Variants in ZZZ3 observed in about 807,000 individuals in gnomAD.
ZZZ3 encodes ZZ-type zinc finger-containing protein 3.
In ZZZ3, 22 loss-of-function variants were observed where a neutral mutation model predicts 95.2. The ratio of observed to expected loss-of-function variants is 0.23; its 90% CI spans 0.17 to 0.33. The LOEUF (loss-of-function observed/expected upper bound fraction) is 0.33, where lower values mean the gene tolerates loss of function less well. Among genes scored for constraint, ZZZ3 ranks in the 10% least tolerant of loss-of-function variants. The pLI, the probability that ZZZ3 is intolerant of heterozygous loss-of-function variation, is 1.00. For synonymous variants in ZZZ3, 335 were observed against 358.9 expected (o/e 0.93, Z 0.75); for missense variants, 885 against 1,066.5 (o/e 0.83, Z 2.37).
intron 5 of ZZZ3, among the ~76,000 whole-genome samples, chr1:77,627,543 T>C (rs1667442278): frequency 6.6e-6 from 1 of 152,212 alleles, no homozygotes; most frequent in African/African-American, 2.4e-5. Context: ...AAATGTTTGT[T>C]TAATCAACTA....
At chr1:77,582,924 G>T (rs560998425) in intron 6 of ZZZ3, among the ~76,000 whole-genome samples, 2 of 152,038 alleles carry the variant, frequency 1.3e-5, no homozygotes, top group East Asian at 3.9e-4. Context: ...GGCCAACATG[G>T]TGAAACCCAG....
chr1:77,616,594 G>C (rs1476541057), intron 5 of ZZZ3, among the ~76,000 whole-genome samples: 1 of 152,236 alleles, frequency 6.6e-6, no homozygotes, highest in Non-Finnish European at 1.5e-5. Context: ...GCCGGGCGCG[G>C]AGGCTCACGC....
chr1:77,620,705 T>C (rs1161037072), intron 5 of ZZZ3, among the ~76,000 whole-genome samples: 3 of 152,224 alleles, frequency 2.0e-5, no homozygotes, highest in African/African-American at 7.2e-5. Flanking sequence ...GTTTCAGACA[T>C]GTTCCACTGG....
intron 5 of ZZZ3, among the ~76,000 whole-genome samples, chr1:77,618,667 G>A (rs1196098040): frequency 6.6e-6 from 1 of 152,118 alleles, no homozygotes; most frequent in Non-Finnish European, 1.5e-5. Flanking sequence ...TTTGTTGTTT[G>A]AGATACTCTG....
Position 77,565,675 on chromosome 1 carries a change from A to C in ZZZ3, c.2677T>G (p.Tyr893Asp), listed in dbSNP as rs773598232. 3 of 1,614,014 alleles carry C rather than the reference A, an allele frequency of 1.9e-6. No homozygotes were observed. The highest frequency in any genetic ancestry group is 1.7e-6 in the Non-Finnish European group (2 of 1,179,886). The stretch of plus-strand genomic sequence containing the variant: ...GCTGGAAAGTAGTTTGGGTCAAGGT[A>C]ATTGTAACTGGTGCCCTGAGACACA... Reference protein sequence around the residue: ...YCVSQGTSYNYLDPNYFPANR With the variant: ...YCVSQGTSYNDLDPNYFPANR The change falls in exon 15 of 15, where the codon TAC becomes GAC. Residue 893 changes from tyrosine to aspartate, a missense_variant. Tyr to Asp is a radical substitution (Grantham distance 160). Coordinates refer to ENST00000370801, the MANE Select transcript of ZZZ3 (RefSeq NM_015534.6).
At chr1:77,570,694 G>A (rs2100481508) in intron 12 of ZZZ3, among the ~76,000 whole-genome samples, 1 of 150,288 alleles carries the variant, frequency 6.7e-6, no homozygotes, top group South Asian at 2.1e-4. Flanking sequence ...TTGAGAGAGG[G>A]TTTCACTCTG....
intron 5 of ZZZ3, among the ~76,000 whole-genome samples, chr1:77,594,921 CAAAAAAAAAAAAA>C (rs371690201): frequency 3.7e-5 from 3 of 80,704 alleles, no homozygotes; most frequent in Non-Finnish European, 7.7e-5. Flanking sequence ...TTGACAGGCC[CAAAAAAAAAAAAA>C]AAAAAAAAAA....
intron 1 of ZZZ3, among the ~76,000 whole-genome samples, chr1:77,670,330 G>A (rs907292969): frequency 2.0e-5 from 3 of 151,752 alleles, no homozygotes; most frequent in Non-Finnish European, 2.9e-5. Flanking sequence ...CATGATCTCG[G>A]TTCACTGCAA....
intron 1 of ZZZ3, among the ~76,000 whole-genome samples, chr1:77,654,051 G>A (rs754109961): frequency 2.0e-5 from 3 of 151,234 alleles, no homozygotes; most frequent in Non-Finnish European, 4.4e-5. Context: ...AGCCAGGTGT[G>A]GTAGCAGGCG....
chr1:77,620,672 G>GT (rs779750036), intron 5 of ZZZ3, among the ~76,000 whole-genome samples: 18 of 152,178 alleles, frequency 1.2e-4, no homozygotes, highest in Non-Finnish European at 2.2e-4. Context: ...TTCAATGTGA[G>GT]TATGAAAGAA....
intron 1 of ZZZ3, among the ~76,000 whole-genome samples, chr1:77,656,419 A>T (rs1285777852): frequency 6.6e-6 from 1 of 152,188 alleles, no homozygotes; most frequent in African/African-American, 2.4e-5. Flanking sequence ...AAGAATTCTC[A>T]ATGGTTTCTG....
intron 3 of ZZZ3, among the ~76,000 whole-genome samples, chr1:77,640,205 T>A (rs1557753370): frequency 6.6e-6 from 1 of 152,224 alleles, no homozygotes; most frequent in Non-Finnish European, 1.5e-5. Flanking sequence ...CCGGTTTTAG[T>A]ACCCAATTAG....
intron 5 of ZZZ3, 32 bp from the exon 6 acceptor site, chr1:77,584,687 A>G: frequency 1.3e-6 from 2 of 1,519,870 alleles, no homozygotes; most frequent in Non-Finnish European, 1.8e-6. Flanking sequence ...TTTCACAAAA[A>G]TTTTCTAGTA....
At chr1:77,573,370 C>T (rs868053555) in intron 12 of ZZZ3, among the ~76,000 whole-genome samples, 14 of 152,102 alleles carry the variant, frequency 9.2e-5, no homozygotes, top group Admixed American at 7.9e-4. Context: ...GATCTGCCCA[C>T]CTCAGCCTCC....
rs1173763049 is a variant in ZZZ3, at chr1:77,671,180, GTCT to G, written c.-403+11402_-403+11404del. Among the ~76,000 whole-genome samples, 4 of 152,062 alleles carry G rather than the reference GTCT, an allele frequency of 2.6e-5. No homozygotes were observed. In the South Asian group the frequency reaches 6.2e-4, roughly 24 times the overall value. ...CCTCATTTTTCCTTTAAAAACTTTG[GTCT>G]TCTTTTACCTCCCTGTATATGCACA... On this transcript the variant is annotated intron_variant, in intron 1 of 14. Coordinates refer to ENST00000370801, the MANE Select transcript of ZZZ3 (RefSeq NM_015534.6).
intron 1 of ZZZ3, among the ~76,000 whole-genome samples, chr1:77,659,501 A>G (rs1013896984): frequency 5.9e-5 from 9 of 151,942 alleles, no homozygotes; most frequent in African/African-American, 2.2e-4. Context: ...CACCTGGCCA[A>G]CATGGTAAAA....
At chr1:77,618,875 C>T (rs1277850661) in intron 5 of ZZZ3, among the ~76,000 whole-genome samples, 1 of 152,066 alleles carries the variant, frequency 6.6e-6, no homozygotes, top group Non-Finnish European at 1.5e-5. Context: ...GTCTTTTTCC[C>T]CTGAAGACTC....
intron 9 of ZZZ3, 114 bp from the exon 10 acceptor site, chr1:77,579,742 TGGGG>T: frequency 1.6e-6 from 1 of 616,316 alleles, no homozygotes; most frequent in South Asian, 2.4e-5. Context: ...CTCCCACCTT[TGGGG>T]GTTACGTAAT....
chr1:77,625,856 G>T (rs147830969), intron 5 of ZZZ3, among the ~76,000 whole-genome samples: 1 of 151,660 alleles, frequency 6.6e-6, no homozygotes, highest in East Asian at 1.9e-4. Context: ...AAAACTAGCC[G>T]GGTGTGGTGG....
Sources: gnomAD v4.1 joint callset for allele counts (sites outside exome capture counted in the v4.1 genomes callset) on GRCh38, gnomAD v4.1.1 for gene constraint, MANE v1.5 for transcripts, NCBI Gene and HGNC (gene_info 2026-07-23, HGNC 2026-07-21) for gene names.